Variants in AGBL4 observed in about 807,000 individuals in gnomAD.
The protein encoded by AGBL4 is cytosolic carboxypeptidase 6.
Under a neutral mutation model 66.4 loss-of-function variants are expected in AGBL4, and 58 were observed. That is an observed-to-expected ratio of 0.87 (90% CI 0.71 to 1.09). The LOEUF (loss-of-function observed/expected upper bound fraction) is 1.09. Among genes scored for constraint, AGBL4 ranks in the 50% least tolerant of loss-of-function variants. AGBL4 has a pLI of 0.00. For missense variants in AGBL4, 579 were observed against 631.0 expected (o/e 0.92, Z 0.88); for synonymous variants, 234 against 222.9 (o/e 1.05, Z -0.44).
At chr1:48,572,533 T>C (rs1021270096) in intron 11 of AGBL4, among the ~76,000 whole-genome samples, 2 of 151,606 alleles carry the variant, frequency 1.3e-5, no homozygotes, top group African/African-American at 4.8e-5. Flanking sequence ...ATTGTGTGTG[T>C]GTGTGAGTGT....
At chr1:49,935,185 C>A (rs367848669) in intron 1 of AGBL4, among the ~76,000 whole-genome samples, 1 of 152,208 alleles carries the variant, frequency 6.6e-6, no homozygotes, top group African/African-American at 2.4e-5. Flanking sequence ...GATTATATCC[C>A]GCACATGGCT....
At chr1:49,665,956 C>A (rs932756548) in intron 3 of AGBL4, among the ~76,000 whole-genome samples, 4 of 150,822 alleles carry the variant, frequency 2.7e-5, no homozygotes, top group Non-Finnish European at 4.4e-5. Flanking sequence ...AAGAAGTACA[C>A]ACTAAATCTT....
chr1:48,818,127 T>C (rs1361236767), intron 6 of AGBL4: 1 of 717,158 alleles, frequency 1.4e-6, no homozygotes, highest in Non-Finnish European at 2.6e-6. Flanking sequence ...CCGGAAACAT[T>C]CCCGAGATTA....
intron 2 of AGBL4, among the ~76,000 whole-genome samples, chr1:49,746,150 C>G (rs913828782): frequency 2.0e-5 from 3 of 151,850 alleles, no homozygotes; most frequent in African/African-American, 7.3e-5. Context: ...TGTATGCCAT[C>G]AACACTTCCA....
At chr1:49,144,797 T>G (rs1646186133) in intron 4 of AGBL4, among the ~76,000 whole-genome samples, 1 of 151,958 alleles carries the variant, frequency 6.6e-6, no homozygotes, top group African/African-American at 2.4e-5. Flanking sequence ...GGAAGACACG[T>G]AGTTAGGTTA....
At chr1:49,848,471 T>C (rs963318909) in intron 2 of AGBL4, among the ~76,000 whole-genome samples, 1 of 152,218 alleles carries the variant, frequency 6.6e-6, no homozygotes, top group Non-Finnish European at 1.5e-5. Context: ...TACAATGGAA[T>C]ACTATTCATC....
rs373460968 is a variant in AGBL4 at position 49,389,684 on chromosome 1, A to G, written c.283-143820T>C. ...ATGCCACCACAGACTTCTTGAATTG[A>G]GAGGAAATCTGAGCTCCTGTTTATA... On this transcript the variant is annotated intron_variant, in intron 3 of 13. Transcript: ENST00000371839. Among the ~76,000 whole-genome samples the G allele has an allele frequency of 5.9e-5, 9 of 152,236 alleles. No individual in the cohort carries two copies. The South Asian group carries it at 1.7e-3, about 28-fold the overall frequency.
At chr1:50,012,052 G>C (rs1056579387) in intron 1 of AGBL4, among the ~76,000 whole-genome samples, 2 of 152,140 alleles carry the variant, frequency 1.3e-5, no homozygotes, top group Non-Finnish European at 2.9e-5. Context: ...CCAGCTACTC[G>C]GGAGGCTGAG....
intron 3 of AGBL4, among the ~76,000 whole-genome samples, chr1:49,313,463 A>C (rs2148464241): frequency 6.6e-6 from 1 of 152,226 alleles, no homozygotes; most frequent in South Asian, 2.1e-4. Context: ...GTCTTTCACA[A>C]TGGTTGAACT....
At chr1:49,453,474 AC>A (rs1250076583) in intron 3 of AGBL4, among the ~76,000 whole-genome samples, 1 of 151,718 alleles carries the variant, frequency 6.6e-6, no homozygotes, top group Non-Finnish European at 1.5e-5. Context: ...TCTCTATTCA[AC>A]CCTACTTCAT....
chr1:49,525,340 C>T (rs1368697749), intron 3 of AGBL4, among the ~76,000 whole-genome samples: 1 of 151,932 alleles, frequency 6.6e-6, no homozygotes, highest in African/African-American at 2.4e-5. Flanking sequence ...TCAGGGAAAG[C>T]TTGCAGAAAA....
intron 2 of AGBL4, among the ~76,000 whole-genome samples, chr1:49,817,732 A>T (rs548270380): frequency 7.2e-5 from 11 of 152,336 alleles, no homozygotes; most frequent in African/African-American, 2.6e-4. Context: ...CCCTGTTTAG[A>T]TATGTAAAAG....
intron 6 of AGBL4, among the ~76,000 whole-genome samples, chr1:48,844,979 C>A (rs115609087): frequency 1.5e-3 from 224 of 152,242 alleles, no homozygotes; most frequent in African/African-American, 5.0e-3. Flanking sequence ...AACATACAGG[C>A]AACACATTCA....
chr1:49,444,452 T>C (rs1368918440), intron 3 of AGBL4, among the ~76,000 whole-genome samples: 1 of 152,134 alleles, frequency 6.6e-6, no homozygotes, highest in African/African-American at 2.4e-5. Context: ...ACCTGAGTGC[T>C]CCAGTGTTGG....
At chr1:50,014,904 A>G (rs1309267151) in intron 1 of AGBL4, among the ~76,000 whole-genome samples, 8 of 152,204 alleles carry the variant, frequency 5.3e-5, no homozygotes, top group Admixed American at 5.2e-4. Context: ...CGTACTGTGC[A>G]TTTCCATGAG....
intron 1 of AGBL4, among the ~76,000 whole-genome samples, chr1:49,855,180 T>C (rs1031965069): frequency 6.6e-6 from 1 of 152,124 alleles, no homozygotes; most frequent in African/African-American, 2.4e-5. Context: ...AAGGTTATTA[T>C]GTAATGATAA....
At chr1:49,619,224 C>T (rs1645309294) in intron 3 of AGBL4, among the ~76,000 whole-genome samples, 1 of 152,156 alleles carries the variant, frequency 6.6e-6, no homozygotes, top group Non-Finnish European at 1.5e-5. Flanking sequence ...AAAACTCCAT[C>T]GTCTCAGCCA....
Position 48,940,414 on chromosome 1 carries a change from G to A in AGBL4, c.595-73184C>T, listed in dbSNP as rs6675939. On this transcript the variant is annotated intron_variant, in intron 5 of 13. Coordinates refer to ENST00000371839, the MANE Select transcript of AGBL4 (RefSeq NM_032785.4). ...AAGAAGAGTTGAGGAAATTGGCAGA[G>A]TTCAAGTGACGGGCTCAAAGTACAC... 3.6e-3 allele frequency among the ~76,000 whole-genome samples: 554 copies of A among 152,238 alleles called. 4 individuals carry two copies. Among genetic ancestry groups the A allele is most frequent in the African/African-American group, 0.013 (527 of 41,542 alleles).
chr1:48,636,205 T>C (rs188773189), intron 8 of AGBL4, among the ~76,000 whole-genome samples: 50 of 152,188 alleles, frequency 3.3e-4, no homozygotes, highest in African/African-American at 1.2e-3. Flanking sequence ...AAATGAAAAA[T>C]GGTCCTCAAT....
Sources: allele counts gnomAD v4.1 joint callset (sites outside exome capture counted in the v4.1 genomes callset), GRCh38; gene constraint gnomAD v4.1.1; transcripts MANE v1.5; gene names NCBI Gene and HGNC (gene_info 2026-07-23, HGNC 2026-07-21).